The following PARVB variants were observed in gnomAD, a reference collection of about 807,000 sequenced individuals.
The protein encoded by PARVB is beta-parvin.
PARVB carries 46 observed loss-of-function variants against 47.0 expected under a neutral mutation model. The ratio of observed to expected loss-of-function variants is 0.98; its 90% CI spans 0.77 to 1.25. The LOEUF (loss-of-function observed/expected upper bound fraction) is 1.25, where lower values mean the gene tolerates loss of function less well. PARVB is among the 50% of genes most tolerant of loss of function. The pLI is 0.00. For missense variants in PARVB, 473 were observed against 471.6 expected (o/e 1.00, Z -0.03); for synonymous variants, 196 against 196.3 (o/e 1.00, Z 0.01).
intron 3 of PARVB, chr22:44,106,940 C>T (rs2052581643): frequency 6.6e-6 from 1 of 152,192 alleles, no homozygotes; most frequent in Non-Finnish European, 1.5e-5. Flanking sequence ...CTAGGGTCAG[C>T]TTCCTGGATT....
At chr22:44,146,523 T>TTGGGC (rs908302807) in intron 8 of PARVB, 3 of 152,382 alleles carry the variant, frequency 2.0e-5, no homozygotes, top group East Asian at 3.8e-4. Context: ...AAGGGGCTAC[T>TTGGGC]TGGGCTGGGC....
At position 44,132,963 on chromosome 22, in the gene PARVB, C is replaced by G; in HGVS notation, c.587C>G (p.Pro196Arg). The change falls in exon 6 of 13, where the codon CCC (proline) becomes CGC (arginine). Residue 196 changes from proline to arginine, a missense_variant. Pro to Arg is a moderately radical substitution (Grantham distance 103). Coordinates refer to ENST00000338758, the MANE Select transcript of PARVB (RefSeq NM_013327.5). ...LVSLAMHFRA[P>R]IRLPEHVTVQ... ...TCTCTGGCCATGCACTTCAGGGCCCCCATCCGCCTTCCTGAGCATGTAACG... is the reference window on the plus strand; with the variant it reads ...TCTCTGGCCATGCACTTCAGGGCCCGCATCCGCCTTCCTGAGCATGTAACG... 1 of 1,614,114 alleles carries G rather than the reference C, an allele frequency of 6.2e-7. No homozygotes were observed. The highest frequency in any genetic ancestry group is 1.6e-4 in the Middle Eastern group (1 of 6,062).
At chr22:44,058,954 T>G (rs577497280) in intron 1 of PARVB, among the ~76,000 whole-genome samples, 15 of 149,894 alleles carry the variant, frequency 1.0e-4, no homozygotes, top group African/African-American at 3.7e-4. Context: ...CCCTTCTTGT[T>G]ATTACTTTCA....
intron 8 of PARVB, chr22:44,145,461 A>G (rs1484233404): frequency 1.3e-5 from 2 of 152,304 alleles, no homozygotes; most frequent in South Asian, 2.1e-4. Context: ...CTTCCTGTCA[A>G]CCTGGGCTCT....
intron 2 of PARVB, among the ~76,000 whole-genome samples, chr22:44,018,763 G>C (rs1291729384): frequency 6.6e-6 from 1 of 152,164 alleles, no homozygotes; most frequent in Admixed American, 6.6e-5. Flanking sequence ...GGGTGCTGGA[G>C]GGCAGTCCTT....
intron 1 of PARVB, among the ~76,000 whole-genome samples, chr22:44,046,802 C>T (rs1431013057): frequency 6.6e-6 from 1 of 152,202 alleles, no homozygotes; most frequent in Non-Finnish European, 1.5e-5. Context: ...TGTGGGGTGG[C>T]AGGAGATGGG....
At chr22:44,028,316 TG>T (rs1389771018) in intron 1 of PARVB, among the ~76,000 whole-genome samples, 1 of 151,908 alleles carries the variant, frequency 6.6e-6, no homozygotes, top group Non-Finnish European at 1.5e-5. Context: ...TTTTTTGTTT[TG>T]TTTTTTTGGT....
chr22:44,090,232 T>C (rs2147033748), intron 1 of PARVB, among the ~76,000 whole-genome samples: 1 of 152,308 alleles, frequency 6.6e-6, no homozygotes, highest in Admixed American at 6.5e-5. Flanking sequence ...CAATGCGAGA[T>C]TTGGACTGGG....
At chr22:44,109,946 T>C (rs1317062280) in intron 3 of PARVB, 2 of 150,830 alleles carry the variant, frequency 1.3e-5, no homozygotes, top group Admixed American at 1.3e-4. Context: ...ACCCCGTCTC[T>C]ACTAAAAATA....
upstream of PARVB, among the ~76,000 whole-genome samples, chr22:44,020,712 C>A (rs2050637486): frequency 2.0e-5 from 3 of 152,130 alleles, no homozygotes; most frequent in Admixed American, 1.3e-4. Flanking sequence ...AGCTTCCTTG[C>A]CCTCCCCAGG....
chr22:44,092,099 G>A (rs538735603), intron 1 of PARVB, among the ~76,000 whole-genome samples: 5 of 152,104 alleles, frequency 3.3e-5, no homozygotes, highest in South Asian at 2.1e-4. Context: ...TTCCATGTGC[G>A]GAAACATGGG....
chr22:44,140,779 G>C (rs1038170992), intron 8 of PARVB: 1 of 314,012 alleles, frequency 3.2e-6, no homozygotes, highest in South Asian at 2.7e-5. Context: ...TATGTGGGCT[G>C]GTTTTATTAG....
intron 1 of PARVB, chr22:44,039,825 T>A (rs750728910): frequency 2.6e-5 from 12 of 454,904 alleles, no homozygotes; most frequent in Non-Finnish European, 5.3e-5. Flanking sequence ...TTCATTTCAT[T>A]TTTTTCAAAG....
intron 11 of PARVB, among the ~76,000 whole-genome samples, chr22:44,163,417 G>A (rs2054095379): frequency 6.6e-6 from 1 of 152,228 alleles, no homozygotes; most frequent in Non-Finnish European, 1.5e-5. Flanking sequence ...GGTGGAGGTT[G>A]CAGTGAGCTG....
At chr22:44,157,895 A>G in intron 10 of PARVB, 87 bp from the exon 11 acceptor site, 1 of 896,440 alleles carries the variant, frequency 1.1e-6, no homozygotes, top group Non-Finnish European at 1.8e-6. Context: ...CCTGTCTCAG[A>G]AGAAAAAATA....
intron 1 of PARVB, among the ~76,000 whole-genome samples, chr22:44,079,842 C>G (rs2051860248): frequency 6.6e-6 from 1 of 152,112 alleles, no homozygotes; most frequent in Non-Finnish European, 1.5e-5. Flanking sequence ...GCAGGAGGAT[C>G]GCTTGAACCC....
At chr22:44,165,035 C>T (rs2054136814) in intron 12 of PARVB, among the ~76,000 whole-genome samples, 1 of 152,148 alleles carries the variant, frequency 6.6e-6, no homozygotes, top group South Asian at 2.1e-4. Flanking sequence ...CTCTGTTGCC[C>T]AGGCTGGAGT....
intron 8 of PARVB, chr22:44,147,070 G>T: frequency 6.3e-6 from 1 of 158,902 alleles, no homozygotes; most frequent in Non-Finnish European, 1.4e-5. Flanking sequence ...ATGGCAGCAG[G>T]AGCAAAGGCT....
chr22:44,022,890 G>A (rs1157012333), upstream of PARVB, among the ~76,000 whole-genome samples: 1 of 151,946 alleles, frequency 6.6e-6, no homozygotes, highest in African/African-American at 2.4e-5. Context: ...GGGATTACAG[G>A]CATCCACCAC....
Sources: gnomAD v4.1 joint callset for allele counts (sites outside exome capture counted in the v4.1 genomes callset) on GRCh38, gnomAD v4.1.1 for gene constraint, MANE v1.5 for transcripts, NCBI Gene and HGNC (gene_info 2026-07-23, HGNC 2026-07-21) for gene names.